Variants in KLHL25 observed in about 807,000 individuals in gnomAD.
The protein encoded by KLHL25 is kelch-like protein 25.
In KLHL25, 41 loss-of-function variants were observed where a neutral mutation model predicts 30.0. That is an observed-to-expected ratio of 1.37 (90% CI 1.07 to 1.78). The LOEUF is 1.78. KLHL25 is among the 40% of genes most tolerant of loss of function. The probability of loss-of-function intolerance (pLI) is 0.00; values close to 1 mark genes in which losing one functional copy is unlikely to be tolerated. For synonymous variants in KLHL25, 399 were observed against 355.3 expected, an observed-to-expected ratio of 1.12 and a Z score of -1.38; for missense variants, 971 against 824.5, an observed-to-expected ratio of 1.18 and a Z score of -2.18.
In KLHL25 at chr15:85,777,509, CAG is replaced by C. The variant is rs1233135172; in HGVS notation, c.-10-7691_-10-7690del. On this transcript the variant is annotated intron_variant, in intron 1 of 2. Transcript: ENST00000337975. ...CCTGGAAAGCGAAGGGAGGTCCCGACAGACCCAGAGGGCCGGCCGATGTTTCA... is the reference window on the plus strand; with the variant it reads ...CCTGGAAAGCGAAGGGAGGTCCCGACACCCAGAGGGCCGGCCGATGTTTCA... 3.9e-5 allele frequency among the ~76,000 whole-genome samples: 6 copies of C among 152,364 alleles called. No individual in the cohort carries two copies. In the East Asian group the frequency reaches 1.2e-3, roughly 29 times the overall value.
intron 1 of KLHL25, among the ~76,000 whole-genome samples, chr15:85,776,507 A>G (rs1162184784): frequency 1.3e-5 from 2 of 152,112 alleles, no homozygotes; most frequent in African/African-American, 2.4e-5. Context: ...TCAATAGCAA[A>G]AAAAACCTTT....
At chr15:85,785,720 G>A (rs541717710) in intron 1 of KLHL25, among the ~76,000 whole-genome samples, 11 of 152,246 alleles carry the variant, frequency 7.2e-5, no homozygotes, top group South Asian at 4.1e-4. Context: ...GCCTCAGCCC[G>A]CAGCAGCCTC....
chr15:85,767,285 G>A (rs114500804), intron 2 of KLHL25, among the ~76,000 whole-genome samples: 1,550 of 152,122 alleles, frequency 0.01, 28 homozygotes, highest in African/African-American at 0.033. Context: ...CACTGTGCCC[G>A]GCCAGGACTG....
rs755290896 is a variant in KLHL25 at position 85,768,200 on chromosome 15, GC to G, written c.1610del (p.Gly537AlafsTer159). ...AGCCCCCGACCACATAGAGCTTGTT[GC>G]CGGAAGCCAGGGCATGGCAGGACAT... is the stretch of plus-strand genomic sequence containing the variant. ...KRMSCHALASGNKLYVVGGYF... is the reference protein window; with the variant it reads ...KRMSCHALASXNKLYVVGGYF... On this transcript the variant is annotated frameshift_variant, in exon 2 of 3. Coordinates refer to ENST00000337975, the MANE Select transcript of KLHL25 (RefSeq NM_022480.4). LOFTEE classifies it high-confidence loss of function. The G allele has an allele frequency of 6.2e-7, 1 of 1,614,070 alleles. No homozygotes were observed. Among genetic ancestry groups the G allele is most frequent in the Non-Finnish European group, 8.5e-7 (1 of 1,180,044 alleles).
chr15:85,778,255 A>G (rs1028351508), intron 1 of KLHL25, among the ~76,000 whole-genome samples: 1 of 152,212 alleles, frequency 6.6e-6, no homozygotes, highest in Non-Finnish European at 1.5e-5. Context: ...GGAAAGACAC[A>G]CAGCACTTCT....
Position 85,768,240 on chromosome 15 carries a change from A to G in KLHL25, c.1571T>C (p.Met524Thr). The change falls in exon 2 of 3, where the codon ATG becomes ACG. Residue 524 changes from methionine to threonine, a missense_variant. Coordinates refer to ENST00000337975, the MANE Select transcript of KLHL25 (RefSeq NM_022480.4). ...ETNQWTRIGDMTAKRMSCHAL... is the reference protein window; with the variant it reads ...ETNQWTRIGDTTAKRMSCHAL... Reference sequence around the variant, plus strand: ...ATGGCAGGACATGCGCTTGGCAGTCATGTCCCCAATCCGCGTCCACTGGTT... The same window carrying G: ...ATGGCAGGACATGCGCTTGGCAGTCGTGTCCCCAATCCGCGTCCACTGGTT... 1.2e-6 allele frequency: 2 copies of G among 1,614,128 alleles called. No homozygotes were observed. Among genetic ancestry groups the G allele is most frequent in the East Asian group, 2.2e-5 (1 of 44,874 alleles).
At chr15:85,766,493 G>A (rs1339213088) in intron 2 of KLHL25, among the ~76,000 whole-genome samples, 2 of 151,984 alleles carry the variant, frequency 1.3e-5, no homozygotes, top group South Asian at 2.1e-4. Context: ...TCTCGTGGCA[G>A]GACCTCATGC....
chr15:85,768,090 G>GA lies in KLHL25; in HGVS notation c.1720dup (p.Ser574PhefsTer22). ...GCTGACAAAGGCCGTGGGGATAAGT[G>GA]AGTAGGGCACTGTGGTGATGCAGTT... On this transcript the variant is annotated frameshift_variant, in exon 2 of 3. Transcript: ENST00000337975. LOFTEE classifies it low-confidence loss of function (END_TRUNC). The GA allele has an allele frequency of 3.1e-6, 5 of 1,614,198 alleles. No homozygotes were observed. The highest frequency in any genetic ancestry group is 4.2e-6 in the Non-Finnish European group (5 of 1,180,018).
rs561504455 is a variant in KLHL25, at chr15:85,770,604, G to A, written c.-10-784C>T. 2.1e-4 allele frequency: 111 copies of A among 526,448 alleles called. 3 individuals carry two copies. The highest frequency in any genetic ancestry group is 1.6e-3 in the South Asian group (109 of 70,068). 32.6% of individuals were successfully genotyped at this position (526,448 alleles called of 1,614,324 possible). ...CAAGTGATGGCTTGGAGGTGGGGCCGCCAGTGACTCACCCTCGAGACCAAC... is the reference window on the plus strand; with the variant it reads ...CAAGTGATGGCTTGGAGGTGGGGCCACCAGTGACTCACCCTCGAGACCAAC... On this transcript the variant is annotated intron_variant, in intron 1 of 2. Coordinates refer to ENST00000337975, the MANE Select transcript of KLHL25 (RefSeq NM_022480.4).
chr15:85,792,296 T>C (rs919434037), intron 1 of KLHL25, among the ~76,000 whole-genome samples: 2 of 152,206 alleles, frequency 1.3e-5, no homozygotes, highest in East Asian at 3.8e-4. Context: ...ACTAAGTGTT[T>C]CCTGGTGAGG....
intron 2 of KLHL25, among the ~76,000 whole-genome samples, chr15:85,767,476 G>A (rs773654917): frequency 2.6e-5 from 4 of 152,156 alleles, no homozygotes; most frequent in Non-Finnish European, 5.9e-5. Flanking sequence ...ATGGGGAGGG[G>A]GCCATTCTCC....
Position 85,768,213 on chromosome 15 carries a change from G to T in KLHL25, c.1598C>A (p.Ala533Asp). ...DMTAKRMSCH[A>D]LASGNKLYVV... ...ATAGAGCTTGTTGCCGGAAGCCAGG[G>T]CATGGCAGGACATGCGCTTGGCAGT... is the stretch of plus-strand genomic sequence containing the variant. The change falls in exon 2 of 3, where the codon GCC becomes GAC. Residue 533 changes from alanine (A) to aspartate (D), a missense_variant. Ala to Asp is a moderately radical substitution (Grantham distance 126). Coordinates refer to ENST00000337975, the MANE Select transcript of KLHL25 (RefSeq NM_022480.4). 6.2e-7 allele frequency: 1 copy of T among 1,614,184 alleles called. No homozygotes were observed. The highest frequency in any genetic ancestry group is 1.7e-5 in the Admixed American group (1 of 60,034).
At chr15:85,766,159 C>G in intron 2 of KLHL25, among the ~76,000 whole-genome samples, 1 of 152,232 alleles carries the variant, frequency 6.6e-6, no homozygotes, top group East Asian at 1.9e-4. Context: ...TGAAAGGGTT[C>G]CTATGACCTG....
chr15:85,783,357 GTGC>G (rs893099502), intron 1 of KLHL25, among the ~76,000 whole-genome samples: 2 of 151,810 alleles, frequency 1.3e-5, no homozygotes, highest in African/African-American at 4.8e-5. Context: ...GCCTCCCAAA[GTGC>G]TGGGATTACA....
At position 85,760,850 on chromosome 15, in the gene KLHL25, G is replaced by A. The variant is rs572715592; in HGVS notation, c.*186C>T. On this transcript the variant is annotated 3_prime_UTR_variant, in exon 3 of 3. Transcript: ENST00000337975. Reference sequence around the variant, plus strand: ...GAGGCCCCCAGGGGCACGGATGCAAGAGATGCTTCTCTTCTCTTGCCTAAA... The same window carrying A: ...GAGGCCCCCAGGGGCACGGATGCAAAAGATGCTTCTCTTCTCTTGCCTAAA... 5.2e-5 allele frequency: 8 copies of A among 152,496 alleles called. No individual in the cohort carries two copies. In the East Asian group the frequency reaches 1.5e-3, roughly 29 times the overall value. 9.4% of individuals were successfully genotyped at this position (152,496 alleles called of 1,614,324 possible). A position where few individuals can be genotyped will look rare whatever the true frequency, so the allele number is the denominator to read the frequency against.
chr15:85,784,772 C>G (rs1432877447), intron 1 of KLHL25, among the ~76,000 whole-genome samples: 2 of 152,142 alleles, frequency 1.3e-5, no homozygotes, highest in Non-Finnish European at 2.9e-5. Flanking sequence ...TTCACCAGAG[C>G]CTCAAGAGCC....
In KLHL25 at chr15:85,768,964, C is replaced by A. The variant is rs1270162027; in HGVS notation, c.847G>T (p.Val283Phe). 6.2e-7 allele frequency: 1 copy of A among 1,613,184 alleles called. No individual in the cohort carries two copies. The highest frequency in any genetic ancestry group is 1.7e-5 in the Admixed American group (1 of 60,032). Residue 283 changes from valine to phenylalanine, a missense_variant, in exon 2 of 3, where the codon GTC becomes TTC. By Grantham distance (50) the Val-to-Phe change is conservative. Transcript: ENST00000337975. The part of the protein sequence containing the change: ...KTRILQNDGV[V>F]TSPCARPRKA... Reference sequence around the variant, plus strand: ...CGTGGCCGGGCACAGGGGCTGGTGACCACGCCATCATTCTGCAGGATCCTG... The same window carrying A: ...CGTGGCCGGGCACAGGGGCTGGTGAACACGCCATCATTCTGCAGGATCCTG...
chr15:85,789,444 G>A lies in KLHL25; in HGVS notation c.-11+5322C>T, dbSNP rs1354464404. ...TGCCCAGGCTGCAGTGCCATGGCGC[G>A]ATCTCGGCTTACTGCAACTTCTGCC... is the stretch of plus-strand genomic sequence containing the variant. On this transcript the variant is annotated intron_variant, in intron 1 of 2. Transcript: ENST00000337975. The surrounding 1 kb of genome is among the most constrained non-coding windows in gnomAD (Gnocchi z 4.1). 1.3e-5 allele frequency among the ~76,000 whole-genome samples: 2 copies of A among 151,788 alleles called. No individual in the cohort carries two copies. Among genetic ancestry groups the A allele is most frequent in the South Asian group, 2.1e-4 (1 of 4,806 alleles).
chr15:85,774,101 G>A (rs1407958708), intron 1 of KLHL25, among the ~76,000 whole-genome samples: 2 of 152,298 alleles, frequency 1.3e-5, no homozygotes, highest in Admixed American at 6.5e-5. Flanking sequence ...GGCTCCCAGC[G>A]GCGGGGGGTG....
Sources: gnomAD v4.1 joint callset for allele counts (sites outside exome capture counted in the v4.1 genomes callset) on GRCh38, gnomAD v4.1.1 for gene constraint, Gnocchi (gnomAD v3.1) non-coding constraint, MANE v1.5 for transcripts, NCBI Gene and HGNC (gene_info 2026-07-23, HGNC 2026-07-21) for gene names.